Variants in MIDEAS observed in about 807,000 individuals in gnomAD.
MIDEAS encodes mitotic deacetylase associated SANT domain protein.
A neutral mutation model predicts 102.7 loss-of-function variants in MIDEAS; 26 were observed. The ratio of observed to expected loss-of-function variants is 0.25; its 90% CI spans 0.19 to 0.35. The LOEUF (loss-of-function observed/expected upper bound fraction) is 0.35, where lower values mean the gene tolerates loss of function less well. Among genes scored for constraint, MIDEAS ranks in the 10% least tolerant of loss-of-function variants. The probability of loss-of-function intolerance (pLI) is 1.00; values close to 1 mark genes in which losing one functional copy is unlikely to be tolerated. For synonymous variants in MIDEAS, 585 were observed against 591.0 expected (o/e 0.99, Z 0.15); for missense variants, 1,231 against 1,435.6 (o/e 0.86, Z 2.30).
intron 12 of MIDEAS, 29 bp from the exon 13 acceptor site, chr14:73,719,037 C>G: frequency 6.9e-7 from 1 of 1,453,254 alleles, no homozygotes; most frequent in Non-Finnish European, 9.0e-7. Context: ...TGCTCAGAAC[C>G]GGCCTAGCCC....
chr14:73,764,749 C>T (rs2053580781), upstream of MIDEAS, among the ~76,000 whole-genome samples: 1 of 152,284 alleles, frequency 6.6e-6, no homozygotes, highest in African/African-American at 2.4e-5. Context: ...TCCTCCTCCG[C>T]TCACATTGAC....
Position 73,751,855 on chromosome 14 carries a change from G to A in MIDEAS, c.-248+7908C>T, listed in dbSNP as rs551147272. Among the ~76,000 whole-genome samples, 7 of 152,194 alleles carry A rather than the reference G, an allele frequency of 4.6e-5. No homozygotes were observed. In the South Asian group the frequency reaches 1.5e-3, roughly 32 times the overall value. On this transcript the variant is annotated intron_variant, in intron 1 of 12. Coordinates refer to ENST00000423556, the MANE Select transcript of MIDEAS (RefSeq NM_001367710.1). The stretch of plus-strand genomic sequence containing the variant: ...GCAGAGGTTGCAGTGAGCCAAGATC[G>A]TACCACTGCACTCCAGCCTGGGCGA...
chr14:73,771,578 A>T lies in MIDEAS; in HGVS notation c.-248+15524T>A, dbSNP rs555255566. On this transcript the variant is annotated intron_variant, in intron 1 of 11. Transcript: ENST00000394071. ...GAGGGGAGTGGTGGGTGAGAAGGCC[A>T]TTCACCAGATGTCCAGAGATTCTGA... 5.2e-4 allele frequency among the ~76,000 whole-genome samples: 79 copies of T among 152,324 alleles called. 1 individual carries two copies. The highest frequency in any genetic ancestry group is 5.2e-3 in the South Asian group (25 of 4,826).
At chr14:73,768,854 A>C (rs572472693) in intron 1 of MIDEAS, among the ~76,000 whole-genome samples, 1 of 152,290 alleles carries the variant, frequency 6.6e-6, no homozygotes, top group African/African-American at 2.4e-5. Flanking sequence ...CATGGAAAAA[A>C]AATTGGAAAC....
At chr14:73,751,181 T>C (rs2053414203) in intron 1 of MIDEAS, among the ~76,000 whole-genome samples, 1 of 152,212 alleles carries the variant, frequency 6.6e-6, no homozygotes, top group African/African-American at 2.4e-5. Flanking sequence ...TCCTCCTTTC[T>C]AAACAAGAAA....
intron 1 of MIDEAS, among the ~76,000 whole-genome samples, chr14:73,774,111 C>T (rs911784719): frequency 6.6e-6 from 1 of 151,754 alleles, no homozygotes; most frequent in African/African-American, 2.4e-5. Flanking sequence ...CTCTGAGTGG[C>T]ACGCAGACCT....
rs1347785398 is a variant in MIDEAS at position 73,725,196 on chromosome 14, T to C, written c.2574+76A>G. ...CTGACTGCTTTTTAAGAGGGATTGG[T>C]CACTGGCAGAGGGAGCCCCAAAGTC... is the stretch of plus-strand genomic sequence containing the variant. On this transcript the variant is annotated intron_variant, in intron 9 of 12. Transcript: ENST00000423556. This position sits in a 1 kb window ranked among gnomAD's most constrained non-coding sequence, Gnocchi z 4.1. The C allele has an allele frequency of 1.8e-6, 2 of 1,141,670 alleles. No homozygotes were observed. Among genetic ancestry groups the C allele is most frequent in the Non-Finnish European group, 2.7e-6 (2 of 750,518 alleles). 70.7% of individuals were successfully genotyped at this position (1,141,670 alleles called of 1,614,324 possible).
At chr14:73,730,460 C>T (rs2075024) in intron 3 of MIDEAS, among the ~76,000 whole-genome samples, 24,019 of 152,104 alleles carry the variant, frequency 0.16, 2,169 homozygotes, top group South Asian at 0.28. Flanking sequence ...TCAATCTTTC[C>T]GTGCATCTTC....
At chr14:73,730,022 C>A (rs1010619140) in intron 3 of MIDEAS, 37 bp from the exon 4 acceptor site, 7 of 1,597,708 alleles carry the variant, frequency 4.4e-6, no homozygotes, top group Admixed American at 3.4e-5. Flanking sequence ...GCTCAGCCCC[C>A]CGTGTCCCAG....
rs1178566177 is a variant in MIDEAS at position 73,718,300 on chromosome 14, G to A, written c.*543C>T. 1 of 152,388 alleles carries A rather than the reference G, an allele frequency of 6.6e-6. No individual in the cohort carries two copies. The highest frequency in any genetic ancestry group is 1.5e-5 in the Non-Finnish European group (1 of 68,204). The allele number at this position is 152,388 out of a possible 1,614,324, so 9.4% of individuals were successfully genotyped here. A position where few individuals can be genotyped will look rare whatever the true frequency, so the allele number is the denominator to read the frequency against. On this transcript the variant is annotated 3_prime_UTR_variant, in exon 13 of 13. Transcript: ENST00000423556. ...CTCAGACAGGCCTAGAGACTGCAGG[G>A]ACAGCACAGGTGTCAGGCTGCGCCC...
At chr14:73,776,981 A>C (rs1451109595) in intron 1 of MIDEAS, among the ~76,000 whole-genome samples, 1 of 151,972 alleles carries the variant, frequency 6.6e-6, no homozygotes, top group Non-Finnish European at 1.5e-5. Flanking sequence ...TGAGGCACAG[A>C]ATAGTTTGAA....
chr14:73,782,272 T>A (rs913176076), intron 1 of MIDEAS, among the ~76,000 whole-genome samples: 1 of 152,080 alleles, frequency 6.6e-6, no homozygotes, highest in Admixed American at 6.5e-5. Flanking sequence ...AGTTTTATAG[T>A]TTAGCCTGGT....
Position 73,737,270 on chromosome 14 carries a change from T to C in MIDEAS, c.1477A>G (p.Lys493Glu). The C allele has an allele frequency of 6.2e-7, 1 of 1,612,258 alleles. No homozygotes were observed. The highest frequency in any genetic ancestry group is 8.5e-7 in the Non-Finnish European group (1 of 1,178,476). The part of the protein sequence containing the change: ...KDGSGSEEKR[K>E]SVLASTTKCG... The stretch of plus-strand genomic sequence containing the variant: ...TTGGTAGTTGAGGCCAATACACTTT[T>C]CCGCTTCTCTTCAGAACCACTGCCA... Residue 493 changes from lysine to glutamate, a missense_variant, in exon 3 of 13, where the codon AAA becomes GAA. Lys to Glu is a moderately conservative substitution (Grantham distance 56, BLOSUM62 1). Transcript: ENST00000423556.
intron 1 of MIDEAS, among the ~76,000 whole-genome samples, chr14:73,785,887 G>A (rs1289361701): frequency 6.6e-6 from 1 of 152,162 alleles, no homozygotes; most frequent in Non-Finnish European, 1.5e-5. Context: ...CCTAGCTAGG[G>A]TTAAAGGGCA....
chr14:73,751,527 G>A (rs112300891), intron 1 of MIDEAS, among the ~76,000 whole-genome samples: 8 of 152,232 alleles, frequency 5.3e-5, no homozygotes, highest in East Asian at 3.9e-4. Context: ...TGGAGGGCTC[G>A]GCATCTTTGC....
chr14:73,757,305 T>G (rs1390069561), intron 1 of MIDEAS, among the ~76,000 whole-genome samples: 3 of 70,508 alleles, frequency 4.3e-5, no homozygotes, highest in Non-Finnish European at 7.4e-5. Flanking sequence ...CACTAAACAC[T>G]TACTAGATGC....
Position 73,721,585 on chromosome 14 carries a change from G to C in MIDEAS, c.2725-76C>G, listed in dbSNP as rs1566581865. 4 of 1,409,420 alleles carry C rather than the reference G, an allele frequency of 2.8e-6. No individual in the cohort carries two copies. The South Asian group carries it at 4.7e-5, about 17-fold the overall frequency. The allele number at this position is 1,409,420 out of a possible 1,614,324, so 87.3% of individuals were successfully genotyped here. On this transcript the variant is annotated intron_variant, in intron 10 of 12. Transcript: ENST00000423556. The stretch of plus-strand genomic sequence containing the variant: ...TGTAGCACAGATTCTGACCCGGCCG[G>C]GGGGTTCACCAGCCCCAGCTAGTCC...
chr14:73,719,474 G>A lies in MIDEAS; in HGVS notation c.2965C>T (p.His989Tyr). The change falls in exon 12 of 13, where the codon CAC becomes TAC. Residue 989 changes from histidine (H) to tyrosine (Y), a missense_variant. His to Tyr is a moderately conservative substitution (Grantham distance 83). Around this residue, in one of 5 missense-constraint regions of MIDEAS, gnomAD observed 391 missense variants for 483.0 expected, o/e 0.81. Coordinates refer to ENST00000423556, the MANE Select transcript of MIDEAS (RefSeq NM_001367710.1). ...SASDILILRS[H>Y]ESNAPGSAGG... is the part of the protein sequence containing the mutation. ...GCAGACCCAGGGGCGTTGGACTCGTGGCTCCGGAGGATGAGGATGTCACTG... is the reference window on the plus strand; with the variant it reads ...GCAGACCCAGGGGCGTTGGACTCGTAGCTCCGGAGGATGAGGATGTCACTG... The A allele has an allele frequency of 6.2e-7, 1 of 1,613,892 alleles. No individual in the cohort carries two copies. The highest frequency in any genetic ancestry group is 2.2e-5 in the East Asian group (1 of 44,850).
At chr14:73,769,229 GAGACA>G in intron 1 of MIDEAS, among the ~76,000 whole-genome samples, 1 of 152,374 alleles carries the variant, frequency 6.6e-6, no homozygotes, top group South Asian at 2.1e-4. Context: ...GGAGATGAGT[GAGACA>G]AGGTGAGGGG....
Sources: allele counts gnomAD v4.1 joint callset (sites outside exome capture counted in the v4.1 genomes callset), GRCh38; gene constraint gnomAD v4.1.1; regional missense constraint gnomAD v4.1.1; non-coding constraint Gnocchi (gnomAD v3.1); transcripts MANE v1.5; gene names NCBI Gene and HGNC (gene_info 2026-07-23, HGNC 2026-07-21).